ME1: variants seen among roughly 807,000 people sequenced by gnomAD.
ME1 encodes NADP-dependent malic enzyme.
Under a neutral mutation model 66.4 loss-of-function variants are expected in ME1, and 74 were observed. The ratio of observed to expected loss-of-function variants is 1.11; its 90% CI spans 0.92 to 1.35. ME1 has a LOEUF of 1.35. ME1 is among the 40% of genes most tolerant of loss of function. The pLI is 0.00. For synonymous variants in ME1, 251 were observed against 235.6 expected, an observed-to-expected ratio of 1.07 and a Z score of -0.60; for missense variants, 750 against 694.1, an observed-to-expected ratio of 1.08 and a Z score of -0.90.
intron 3 of ME1, among the ~76,000 whole-genome samples, chr6:83,361,148 C>A (rs1769000480): frequency 6.6e-6 from 1 of 152,196 alleles, no homozygotes; most frequent in South Asian, 2.1e-4. Context: ...TAAGAAGTAG[C>A]AAACACACCG....
intron 1 of ME1, among the ~76,000 whole-genome samples, chr6:83,430,275 G>T (rs1306407816): frequency 6.6e-6 from 1 of 152,138 alleles, no homozygotes; most frequent in African/African-American, 2.4e-5. Context: ...CTTCTACCAA[G>T]CCATGCAAAG....
chr6:83,407,930 CAA>C, intron 1 of ME1, 29 bp from the exon 2 acceptor site: 2 of 1,544,852 alleles, frequency 1.3e-6, no homozygotes, highest in Non-Finnish European at 1.7e-6. Flanking sequence ...CACACACACA[CAA>C]CAGTATTTGA....
At chr6:83,276,788 G>T (rs1313024066) in intron 6 of ME1, among the ~76,000 whole-genome samples, 3 of 151,970 alleles carry the variant, frequency 2.0e-5, no homozygotes, top group African/African-American at 7.2e-5. Flanking sequence ...AATTTTAAAG[G>T]TCATAGAACG....
chr6:83,267,837 C>A (rs1767014490), intron 6 of ME1, among the ~76,000 whole-genome samples: 1 of 152,108 alleles, frequency 6.6e-6, no homozygotes, highest in Admixed American at 6.5e-5. Flanking sequence ...CATTGACAAT[C>A]CATTGAAAAA....
At chr6:83,291,824 ACT>A (rs1172624486) in intron 6 of ME1, among the ~76,000 whole-genome samples, 4 of 149,948 alleles carry the variant, frequency 2.7e-5, no homozygotes, top group Non-Finnish European at 5.9e-5. Flanking sequence ...GTTTCTTTTC[ACT>A]CTTTTTTCTC....
At chr6:83,235,367 G>A (rs1330595818) in intron 9 of ME1, among the ~76,000 whole-genome samples, 3 of 151,940 alleles carry the variant, frequency 2.0e-5, no homozygotes, top group Non-Finnish European at 2.9e-5. Flanking sequence ...CCGATCCATA[G>A]GTGGTTTTAT....
intron 3 of ME1, among the ~76,000 whole-genome samples, chr6:83,382,021 G>A (rs530357309): frequency 6.6e-6 from 1 of 151,898 alleles, no homozygotes; most frequent in Non-Finnish European, 1.5e-5. Flanking sequence ...CAGGCTCAAA[G>A]GTTTTTATTT....
chr6:83,316,576 C>A (rs1013909338), intron 5 of ME1, among the ~76,000 whole-genome samples: 1 of 149,110 alleles, frequency 6.7e-6, no homozygotes, highest in African/African-American at 2.5e-5. Flanking sequence ...CTAGCTATTA[C>A]AATAAGGCAA....
chr6:83,223,938 A>G lies in ME1; in HGVS notation c.1276-5T>C, dbSNP rs1175281491. The stretch of plus-strand genomic sequence containing the variant: ...ACTGGCAAAAATTGCACGTCCCTAC[A>G]ACAAAGACACATACAACTCACTTTA... On this transcript the variant is annotated splice_region_variant and splice_polypyrimidine_tract_variant and intron_variant, in intron 11 of 13. Coordinates refer to ENST00000369705, the MANE Select transcript of ME1 (RefSeq NM_002395.6). 1 of 1,613,300 alleles carries G rather than the reference A, an allele frequency of 6.2e-7. No individual in the cohort carries two copies. The highest frequency in any genetic ancestry group is 1.7e-5 in the Admixed American group (1 of 59,948).
intron 10 of ME1, 129 bp from the exon 11 acceptor site, chr6:83,227,606 CT>C: frequency 1.4e-6 from 1 of 723,526 alleles, no homozygotes; most frequent in Non-Finnish European, 2.1e-6. Flanking sequence ...GCTATATAAA[CT>C]ATTTGTATTC....
At chr6:83,315,097 T>C (rs1052697469) in intron 6 of ME1, among the ~76,000 whole-genome samples, 1 of 152,140 alleles carries the variant, frequency 6.6e-6, no homozygotes, top group Non-Finnish European at 1.5e-5. Flanking sequence ...AAAAAAAGTA[T>C]ATTCAGGGAC....
At chr6:83,290,251 T>C (rs1192453768) in intron 6 of ME1, among the ~76,000 whole-genome samples, 4 of 152,210 alleles carry the variant, frequency 2.6e-5, no homozygotes, top group Non-Finnish European at 5.9e-5. Context: ...TCCTGCTTTC[T>C]CTTGTGGGCA....
intron 6 of ME1, among the ~76,000 whole-genome samples, chr6:83,273,075 G>A (rs148639778): frequency 3.3e-5 from 5 of 151,300 alleles, no homozygotes; most frequent in Admixed American, 1.3e-4. Context: ...TACTCGGGAG[G>A]CTGAGGCAGA....
chr6:83,332,199 A>G (rs1241440995), intron 5 of ME1, among the ~76,000 whole-genome samples: 1 of 152,202 alleles, frequency 6.6e-6, no homozygotes, highest in Non-Finnish European at 1.5e-5. Flanking sequence ...AAAGAATAAG[A>G]GTATTTTCCA....
chr6:83,280,149 C>T (rs1583354281), intron 6 of ME1, among the ~76,000 whole-genome samples: 1 of 151,978 alleles, frequency 6.6e-6, no homozygotes, highest in African/African-American at 2.4e-5. Context: ...GGAATTATGT[C>T]GGATATTAGA....
rs965387794 is a variant in ME1 at position 83,389,782 on chromosome 6, TA to T, written c.362+8584del. 1.5e-3 allele frequency among the ~76,000 whole-genome samples: 214 copies of T among 145,520 alleles called. 2 individuals are homozygous for T. The highest frequency in any genetic ancestry group is 4.2e-3 in the African/African-American group (166 of 39,902). ...CAGGAAGCTCAGCAGTCTGCAAAAA[TA>T]AAAAAAAAAATTGTCTCTAGCTTCC... On this transcript the variant is annotated intron_variant, in intron 3 of 13. Transcript: ENST00000369705.
intron 9 of ME1, among the ~76,000 whole-genome samples, chr6:83,231,006 C>T (rs1790298310): frequency 6.6e-6 from 1 of 152,054 alleles, no homozygotes; most frequent in Non-Finnish European, 1.5e-5. Flanking sequence ...TATCATATCC[C>T]TACCACATGC....
chr6:83,283,248 A>AAAAG lies in ME1; in HGVS notation c.705-29511_705-29510insCTTT, dbSNP rs70987744. ...GTCTCAAAAAAAAAAAAAAAAAAAA[A>AAAAG]TGATGAGTTCATGTCCTTTGCAGGG... On this transcript the variant is annotated intron_variant, in intron 6 of 13. Transcript: ENST00000369705. Among the ~76,000 whole-genome samples, 11 of 139,668 alleles carry AAAAG rather than the reference A, an allele frequency of 7.9e-5. 1 individual carries two copies. The highest frequency in any genetic ancestry group is 1.7e-4 in the African/African-American group (6 of 35,108). The allele number at this position is 139,668 out of a possible 152,430, so 91.6% of individuals were successfully genotyped here.
chr6:83,325,950 A>C (rs1215370780), intron 5 of ME1, among the ~76,000 whole-genome samples: 1 of 148,362 alleles, frequency 6.7e-6, no homozygotes, highest in African/African-American at 2.5e-5. Context: ...GAAGCAAACA[A>C]AAAAAAAAAA....
Sources: allele counts gnomAD v4.1 joint callset (sites outside exome capture counted in the v4.1 genomes callset), GRCh38; gene constraint gnomAD v4.1.1; transcripts MANE v1.5; gene names NCBI Gene and HGNC (gene_info 2026-07-23, HGNC 2026-07-21).